GDI2: variants seen among roughly 807,000 people sequenced by gnomAD.
The protein encoded by GDI2 is rab GDP dissociation inhibitor beta.
A neutral mutation model predicts 54.2 loss-of-function variants in GDI2; 22 were observed. The observed-to-expected ratio is 0.41, with a 90% CI of 0.29 to 0.58. The LOEUF (loss-of-function observed/expected upper bound fraction) is 0.58, where lower values mean the gene tolerates loss of function less well. Among genes scored for constraint, GDI2 ranks in the 20% least tolerant of loss-of-function variants. The pLI is 0.35. For synonymous variants in GDI2, 177 were observed against 182.1 expected, an observed-to-expected ratio of 0.97 and a Z score of 0.23; for missense variants, 422 against 546.0, an observed-to-expected ratio of 0.77 and a Z score of 2.26.
chr10:5,787,442 G>C (rs1318711398), intron 4 of GDI2, among the ~76,000 whole-genome samples: 3 of 152,012 alleles, frequency 2.0e-5, no homozygotes, highest in Non-Finnish European at 4.4e-5. Context: ...AGGAGTCAGA[G>C]ATTGCACTGA....
At chr10:5,812,589 G>C (rs1041290673) in intron 1 of GDI2, among the ~76,000 whole-genome samples, 1 of 152,232 alleles carries the variant, frequency 6.6e-6, no homozygotes, top group African/African-American at 2.4e-5. Flanking sequence ...CAGTAAGTGA[G>C]AAGGGAGGGT....
chr10:5,805,746 T>G (rs1841364803), intron 1 of GDI2, among the ~76,000 whole-genome samples: 1 of 152,224 alleles, frequency 6.6e-6, no homozygotes, highest in African/African-American at 2.4e-5. Flanking sequence ...AAGCTGTGTT[T>G]GCAAATTTTA....
rs1554789617 is a variant in GDI2, at chr10:5,794,970, A to G, written c.303T>C (p.Asp101=). 2.5e-6 allele frequency: 4 copies of G among 1,598,022 alleles called. 1 individual carries two copies. The South Asian group carries it at 4.4e-5, about 18-fold the overall frequency. ...LLYTEVTRYL[D]FKVTEGSFVY... ...CAAAGCTCCCTTCAGTCACTTTAAA[A>G]TCCAGATAGCGAGTTACCTCTGTAT... is the stretch of plus-strand genomic sequence containing the variant. The change falls in exon 4 of 11, where the codon GAT becomes GAC. Residue 101 remains aspartate, a synonymous_variant. Coordinates refer to ENST00000380191, the MANE Select transcript of GDI2 (RefSeq NM_001494.4).
intron 6 of GDI2, among the ~76,000 whole-genome samples, chr10:5,784,500 T>C (rs1379635124): frequency 6.6e-6 from 1 of 152,214 alleles, no homozygotes; most frequent in Admixed American, 6.5e-5. Context: ...CAAAGAACCC[T>C]GTTTTGTCAT....
At chr10:5,781,964 G>A (rs1840767315) in intron 6 of GDI2, among the ~76,000 whole-genome samples, 1 of 152,216 alleles carries the variant, frequency 6.6e-6, no homozygotes, top group Non-Finnish European at 1.5e-5. Flanking sequence ...AGTGAGCCAA[G>A]ATCATGCCAG....
chr10:5,813,095 A>C, intron 1 of GDI2, 119 bp downstream of exon 1: 1 of 598,312 alleles, frequency 1.7e-6, no homozygotes. Context: ...TCCCGTCCCG[A>C]AAACTACGGC....
intron 6 of GDI2, among the ~76,000 whole-genome samples, chr10:5,779,877 G>C (rs1306175633): frequency 4.6e-5 from 7 of 151,762 alleles, no homozygotes; most frequent in Non-Finnish European, 1.0e-4. Context: ...TGTTTTTCTA[G>C]AGACAGGGTT....
chr10:5,790,593 C>T (rs1840988991), intron 4 of GDI2, among the ~76,000 whole-genome samples: 7 of 152,050 alleles, frequency 4.6e-5, no homozygotes, highest in Admixed American at 4.6e-4. Context: ...TTGCAGTGAG[C>T]CAAGATTACA....
rs372362906 is a variant in GDI2, at chr10:5,766,901, T to TC, written c.992-264dup. On this transcript the variant is annotated intron_variant, in intron 8 of 10. Coordinates refer to ENST00000380191, the MANE Select transcript of GDI2 (RefSeq NM_001494.4). The surrounding 1 kb of genome is among the most constrained non-coding windows in gnomAD (Gnocchi z 5.8). ...GTTTGGAATGAGATCTCTTAACAGCTCTGTCATACCTAACTAAAAAACCTG... is the reference window on the plus strand; with the variant it reads ...GTTTGGAATGAGATCTCTTAACAGCTCCTGTCATACCTAACTAAAAAACCTG... Among the ~76,000 whole-genome samples the TC allele has an allele frequency of 7.2e-5, 11 of 152,332 alleles. No individual in the cohort carries two copies. Among genetic ancestry groups the TC allele is most frequent in the African/African-American group, 2.6e-4 (11 of 41,578 alleles).
Position 5,785,966 on chromosome 10 carries a change from A to G in GDI2, c.473T>C (p.Phe158Ser), listed in dbSNP as rs372503635. 24 of 1,613,190 alleles carry G rather than the reference A, an allele frequency of 1.5e-5. No individual in the cohort carries two copies. The highest frequency in any genetic ancestry group is 2.0e-5 in the Non-Finnish European group (23 of 1,179,306). ...ANFDEKDPRT[F>S]EGIDPKKTTM... is the part of the protein sequence containing the mutation. ...GGTCTTCTTAGGATCAATGCCTTCA[A>G]AAGTTCTTGGATCTTTTTCATCGAA... The change falls in exon 5 of 11, where the codon TTT becomes TCT. Residue 158 changes from phenylalanine to serine, a missense_variant. Transcript: ENST00000380191.
In GDI2 at chr10:5,780,128, T is replaced by TA. The variant is rs528829396; in HGVS notation, c.719+5013dup. Among the ~76,000 whole-genome samples, 51 of 151,510 alleles carry TA rather than the reference T, an allele frequency of 3.4e-4. No homozygotes were observed. The South Asian group carries it at 6.9e-3, about 20-fold the overall frequency. ...AGAGGCTGAGATGGGAAGATCCCTT[T>TA]AGCCCAGGAGGCAGAGGTTGCAATG... On this transcript the variant is annotated intron_variant, in intron 6 of 10. Coordinates refer to ENST00000380191, the MANE Select transcript of GDI2 (RefSeq NM_001494.4).
At chr10:5,797,348 A>C (rs750676037) in intron 2 of GDI2, among the ~76,000 whole-genome samples, 3 of 151,960 alleles carry the variant, frequency 2.0e-5, no homozygotes, top group Non-Finnish European at 4.4e-5. Context: ...AGTACAAGAA[A>C]AGCCAGGCCA....
At chr10:5,789,083 T>C (rs1191383799) in intron 4 of GDI2, among the ~76,000 whole-genome samples, 1 of 151,692 alleles carries the variant, frequency 6.6e-6, no homozygotes, top group Non-Finnish European at 1.5e-5. Flanking sequence ...GTTTTTTCTT[T>C]CAGTTCTACG....
chr10:5,812,948 G>A (rs1192077347), intron 1 of GDI2, among the ~76,000 whole-genome samples: 3 of 152,222 alleles, frequency 2.0e-5, no homozygotes, highest in African/African-American at 7.2e-5. Flanking sequence ...AAGCGCAGAG[G>A]CCGGGCTCGG....
intron 7 of GDI2, among the ~76,000 whole-genome samples, chr10:5,772,545 C>T (rs1016946134): frequency 2.0e-5 from 3 of 151,952 alleles, no homozygotes; most frequent in South Asian, 2.1e-4. Flanking sequence ...TCACTTGGGG[C>T]CGGGAGTTCG....
chr10:5,786,444 G>T (rs1020534957), intron 4 of GDI2, among the ~76,000 whole-genome samples: 4 of 152,018 alleles, frequency 2.6e-5, no homozygotes, highest in Admixed American at 6.6e-5. Context: ...TGAGATTACA[G>T]GCATGAGCCA....
At chr10:5,783,434 G>T (rs1840805542) in intron 6 of GDI2, among the ~76,000 whole-genome samples, 1 of 152,060 alleles carries the variant, frequency 6.6e-6, no homozygotes, top group Non-Finnish European at 1.5e-5. Flanking sequence ...GAGCATGTAG[G>T]CCATTTACAT....
intron 3 of GDI2, among the ~76,000 whole-genome samples, chr10:5,795,960 TCAAA>T (rs1841139040): frequency 1.3e-5 from 2 of 151,110 alleles, no homozygotes; most frequent in South Asian, 4.2e-4. Context: ...GAATATAAAC[TCAAA>T]CAAGGAAAAA....
At chr10:5,783,337 C>T (rs1174835007) in intron 6 of GDI2, among the ~76,000 whole-genome samples, 1 of 151,742 alleles carries the variant, frequency 6.6e-6, no homozygotes, top group Non-Finnish European at 1.5e-5. Flanking sequence ...AAATTTGAGT[C>T]CTTTTGTGTC....
Sources: allele counts gnomAD v4.1 joint callset (sites outside exome capture counted in the v4.1 genomes callset), GRCh38; gene constraint gnomAD v4.1.1; non-coding constraint Gnocchi (gnomAD v3.1); transcripts MANE v1.5; gene names NCBI Gene and HGNC (gene_info 2026-07-23, HGNC 2026-07-21).